SYTL3: variants seen among roughly 807,000 people sequenced by gnomAD.
SYTL3 encodes synaptotagmin-like protein 3.
SYTL3 carries 88 observed loss-of-function variants against 82.1 expected under a neutral mutation model. That is an observed-to-expected ratio of 1.07 (90% CI 0.90 to 1.28). The LOEUF (loss-of-function observed/expected upper bound fraction) is 1.28. Among genes scored for constraint, SYTL3 ranks in the 50% most tolerant of loss-of-function variants. The pLI is 0.00. For synonymous variants in SYTL3, 311 were observed against 289.4 expected (o/e 1.07, Z -0.76); for missense variants, 831 against 757.6 (o/e 1.10, Z -1.14).
At chr6:158,674,285 G>C (rs562402550) in intron 5 of SYTL3, among the ~76,000 whole-genome samples, 71 of 152,172 alleles carry the variant, frequency 4.7e-4, no homozygotes, top group African/African-American at 1.7e-3. Context: ...CTTTGGCTCT[G>C]TTAGTTTATG....
chr6:158,667,341 G>A (rs1190087916), intron 5 of SYTL3, among the ~76,000 whole-genome samples: 1 of 152,158 alleles, frequency 6.6e-6, no homozygotes, highest in African/African-American at 2.4e-5. Flanking sequence ...TTGAAATGAG[G>A]TTGGTTTTCA....
chr6:158,742,481 AG>A (rs1787057739), intron 11 of SYTL3, among the ~76,000 whole-genome samples: 1 of 152,168 alleles, frequency 6.6e-6, no homozygotes, highest in African/African-American at 2.4e-5. Context: ...TCCCAGCTGA[AG>A]GTCTGGATAT....
intron 5 of SYTL3, among the ~76,000 whole-genome samples, chr6:158,677,563 G>T (rs1000982355): frequency 1.3e-5 from 2 of 151,902 alleles, no homozygotes; most frequent in African/African-American, 2.4e-5. Flanking sequence ...AAATGAGCTG[G>T]TTGTGGTGGT....
chr6:158,755,211 C>G (rs887225425), intron 13 of SYTL3, among the ~76,000 whole-genome samples: 1 of 152,154 alleles, frequency 6.6e-6, no homozygotes, highest in Non-Finnish European at 1.5e-5. Flanking sequence ...GGCATGGCGA[C>G]GCCTACCTGT....
chr6:158,730,257 A>G (rs1397505023), intron 11 of SYTL3, among the ~76,000 whole-genome samples: 1 of 152,244 alleles, frequency 6.6e-6, no homozygotes, highest in African/African-American at 2.4e-5. Context: ...CAGCCAATGG[A>G]GACAAAACAC....
chr6:158,705,315 G>A, intron 6 of SYTL3, among the ~76,000 whole-genome samples: 2 of 71,308 alleles, frequency 2.8e-5, no homozygotes, highest in Non-Finnish European at 5.9e-5. Flanking sequence ...GGGCAGGAGG[G>A]ACCTGGGGAC....
chr6:158,655,992 G>T (rs1227957714), intron 2 of SYTL3, among the ~76,000 whole-genome samples: 2 of 152,210 alleles, frequency 1.3e-5, no homozygotes, highest in African/African-American at 4.8e-5. Context: ...GTCAGTATGG[G>T]AGTGGCGAGC....
At chr6:158,673,227 TA>T (rs1227055030) in intron 5 of SYTL3, among the ~76,000 whole-genome samples, 1 of 151,676 alleles carries the variant, frequency 6.6e-6, no homozygotes, top group Non-Finnish European at 1.5e-5. Context: ...CATGCCCAGT[TA>T]TTTTTTTTTT....
chr6:158,685,609 G>A (rs1350983488), intron 6 of SYTL3, among the ~76,000 whole-genome samples: 1 of 152,026 alleles, frequency 6.6e-6, no homozygotes, highest in Non-Finnish European at 1.5e-5. Context: ...ATCTGAGATT[G>A]GGAGTTCGAG....
At chr6:158,681,830 T>G (rs114597709) in intron 5 of SYTL3, among the ~76,000 whole-genome samples, 132 of 152,316 alleles carry the variant, frequency 8.7e-4, no homozygotes, top group African/African-American at 3.2e-3. Flanking sequence ...AAACTAACCT[T>G]AGCTTAACCT....
chr6:158,708,481 C>A, intron 8 of SYTL3, 90 bp downstream of exon 8: 1 of 1,253,088 alleles, frequency 8.0e-7, no homozygotes, highest in African/African-American at 1.5e-5. Context: ...AGGCCGGGCA[C>A]GGAACCTCCC....
At chr6:158,716,342 T>C (rs1236109207) in intron 9 of SYTL3, among the ~76,000 whole-genome samples, 1 of 152,234 alleles carries the variant, frequency 6.6e-6, no homozygotes, top group African/African-American at 2.4e-5. Context: ...GAACTTTCAA[T>C]GGCCCAAATA....
At chr6:158,693,644 A>T (rs765459335) in intron 6 of SYTL3, among the ~76,000 whole-genome samples, 2 of 150,186 alleles carry the variant, frequency 1.3e-5, no homozygotes, top group Non-Finnish European at 2.9e-5. Flanking sequence ...CTCAGCTTCC[A>T]AAAGTGCTGG....
chr6:158,706,383 C>T (rs1460926643), intron 6 of SYTL3, among the ~76,000 whole-genome samples: 6 of 152,180 alleles, frequency 3.9e-5, no homozygotes, highest in Non-Finnish European at 7.3e-5. Flanking sequence ...TTCTTACTGT[C>T]CGTGTCCTTC....
chr6:158,664,023 G>A (rs1213264846), intron 4 of SYTL3, among the ~76,000 whole-genome samples: 1 of 152,192 alleles, frequency 6.6e-6, no homozygotes, highest in Admixed American at 6.5e-5. Context: ...TAGCAGAGCA[G>A]TGTTCCGCCT....
chr6:158,662,352 A>G (rs1344173976), intron 3 of SYTL3, among the ~76,000 whole-genome samples: 2 of 152,246 alleles, frequency 1.3e-5, no homozygotes, highest in Admixed American at 1.3e-4. Context: ...CAAGACTGTA[A>G]ATAATTGATA....
intron 5 of SYTL3, among the ~76,000 whole-genome samples, chr6:158,668,201 A>G (rs1790318180): frequency 6.7e-6 from 1 of 150,076 alleles, no homozygotes; most frequent in Admixed American, 6.7e-5. Flanking sequence ...GCCTGCTAGG[A>G]GCCTTGTCCT....
intron 14 of SYTL3, among the ~76,000 whole-genome samples, chr6:158,760,160 C>T (rs1343125577): frequency 1.3e-5 from 2 of 152,144 alleles, no homozygotes; most frequent in African/African-American, 2.4e-5. Context: ...TCAGACTCAC[C>T]ACACCCTGAG....
Position 158,665,608 on chromosome 6 carries a change from G to A in SYTL3, c.324G>A (p.Glu108=). ...CCTGGAAGTGCACGGTGTGCTTCGA[G>A]GACAGGTAAGCATGGCCGGTGGTTG... is the stretch of plus-strand genomic sequence containing the variant. The part of the protein sequence containing the change: ...THAWKCTVCF[E]DRNVKIKTGE... The change falls in exon 5 of 18, where the codon GAG becomes GAA. Residue 108 remains glutamate, a synonymous_variant. Coordinates refer to ENST00000611299, the MANE Select transcript of SYTL3 (RefSeq NM_001242394.2). 1 of 1,556,750 alleles carries A rather than the reference G, an allele frequency of 6.4e-7. No homozygotes were observed. The highest frequency in any genetic ancestry group is 8.7e-7 in the Non-Finnish European group (1 of 1,148,652).
Sources: gnomAD v4.1 joint callset for allele counts (sites outside exome capture counted in the v4.1 genomes callset) on GRCh38, gnomAD v4.1.1 for gene constraint, MANE v1.5 for transcripts, NCBI Gene and HGNC (gene_info 2026-07-23, HGNC 2026-07-21) for gene names.